The following ASMT variants were observed in gnomAD, a reference collection of about 807,000 sequenced individuals.
The protein encoded by ASMT is acetylserotonin O-methyltransferase, also known as acetylserotonin N-methyltransferase.
Under a neutral mutation model 41.3 loss-of-function variants are expected in ASMT, and 53 were observed. The ratio of observed to expected loss-of-function variants is 1.28; its 90% CI spans 1.03 to 1.61. The LOEUF (loss-of-function observed/expected upper bound fraction) is 1.61, where lower values mean the gene tolerates loss of function less well. ASMT is among the 40% of genes most tolerant of loss of function. The probability of loss-of-function intolerance (pLI) is 0.00; values close to 1 mark genes in which losing one functional copy is unlikely to be tolerated. For missense variants in ASMT, 531 were observed against 441.3 expected, an observed-to-expected ratio of 1.20 and a Z score of -1.82; for synonymous variants, 231 against 184.8, an observed-to-expected ratio of 1.25 and a Z score of -2.03.
intron 3 of ASMT, among the ~76,000 whole-genome samples, chrX:1,625,508 C>T (rs1934499117): frequency 1.1e-5 from 1 of 91,792 alleles, no homozygotes; most frequent in Admixed American, 1.7e-4. Flanking sequence ...AAGAAGGAAA[C>T]AGAAAGAGAG....
intron 4 of ASMT, among the ~76,000 whole-genome samples, chrX:1,628,235 T>C (rs1490703197): frequency 1.3e-5 from 2 of 152,088 alleles, no homozygotes; most frequent in Admixed American, 6.6e-5. Flanking sequence ...GCAGGAGAAC[T>C]GCTTGAACCC....
chrX:1,619,534 C>A (rs1603461142), intron 1 of ASMT, among the ~76,000 whole-genome samples: 1 of 142,124 alleles, frequency 7.0e-6, no homozygotes, highest in Non-Finnish European at 1.5e-5. Flanking sequence ...TGCACATGTA[C>A]CCCAGAACTT....
chrX:1,628,013 G>A (rs1317773429), intron 4 of ASMT: 2 of 597,160 alleles, frequency 3.3e-6, no homozygotes, highest in Non-Finnish European at 6.0e-6. Flanking sequence ...CACAAACTCA[G>A]TGTTTATGTA....
intron 1 of ASMT, among the ~76,000 whole-genome samples, chrX:1,616,911 T>G (rs1474213858): frequency 6.6e-6 from 1 of 151,632 alleles, no homozygotes; most frequent in Non-Finnish European, 1.5e-5. Context: ...GGTTTCACCG[T>G]GTTAGCCAGG....
At chrX:1,632,362 A>T (rs1320813685) in intron 5 of ASMT, among the ~76,000 whole-genome samples, 1 of 151,886 alleles carries the variant, frequency 6.6e-6, no homozygotes, top group African/African-American at 2.4e-5. Context: ...ATAAAAAAGG[A>T]TGAGTTCGGC....
Position 1,620,697 on chromosome X carries a change from G to A in ASMT, c.70-2442G>A, listed in dbSNP as rs754661201. On this transcript the variant is annotated intron_variant, in intron 1 of 8. Transcript: ENST00000381241. ...AGGCAGATCACGAGGTCAGGAGATC[G>A]AGACCATGGTGAAACCCCGCCTCTA... 1.6e-4 allele frequency among the ~76,000 whole-genome samples: 25 copies of A among 152,052 alleles called. No individual in the cohort carries two copies. The East Asian group carries it at 2.9e-3, about 18-fold the overall frequency.
chrX:1,641,570 CT>C (rs1307274360), intron 8 of ASMT, among the ~76,000 whole-genome samples: 1 of 146,036 alleles, frequency 6.8e-6, no homozygotes, highest in East Asian at 2.1e-4. Context: ...TCCACCCATC[CT>C]GATGGTTCAT....
intron 4 of ASMT, among the ~76,000 whole-genome samples, chrX:1,628,184 G>C (rs1400503315): frequency 7.9e-5 from 12 of 152,186 alleles, no homozygotes; most frequent in African/African-American, 2.9e-4. Context: ...AGCCGGGCGT[G>C]GTGGCGGACG....
At chrX:1,620,328 T>C (rs1202962335) in intron 1 of ASMT, among the ~76,000 whole-genome samples, 1 of 151,230 alleles carries the variant, frequency 6.6e-6, no homozygotes, top group Non-Finnish European at 1.5e-5. Flanking sequence ...TGCACCACCA[T>C]GCCTACTTTT....
intron 3 of ASMT, among the ~76,000 whole-genome samples, chrX:1,626,979 A>G (rs1934572066): frequency 6.6e-6 from 1 of 150,384 alleles, no homozygotes; most frequent in Non-Finnish European, 1.5e-5. Context: ...CAGTGAGCCA[A>G]GATCGCGCCA....
rs1934961092 is a variant in ASMT at position 1,636,329 on chromosome X, G to A, written c.788-109G>A. 3 of 1,510,890 alleles carry A rather than the reference G, an allele frequency of 2.0e-6. No homozygotes were observed. In the Admixed American group the frequency reaches 5.0e-5, roughly 25 times the overall value. The allele number at this position is 1,510,890 out of a possible 1,614,324, so 93.6% of individuals were successfully genotyped here. On this transcript the variant is annotated intron_variant, in intron 7 of 8. Transcript: ENST00000381241. Reference sequence around the variant, plus strand: ...AGGTCTGCAGGTGACTAGCCTGGAAGACCTGGGAAAGGCGTGACCCATCCA... The same window carrying A: ...AGGTCTGCAGGTGACTAGCCTGGAAAACCTGGGAAAGGCGTGACCCATCCA...
intron 4 of ASMT, chrX:1,628,116 T>A (rs1324606350): frequency 8.6e-6 from 3 of 349,536 alleles, no homozygotes; most frequent in Non-Finnish European, 1.6e-5. Context: ...AGGTCAGGAG[T>A]TCGAGACCAG....
intron 3 of ASMT, among the ~76,000 whole-genome samples, chrX:1,625,240 G>A (rs1209040857): frequency 2.6e-5 from 4 of 151,642 alleles, no homozygotes; most frequent in African/African-American, 4.8e-5. Context: ...AAGTAGCTGG[G>A]ACTACAGGAA....
intron 1 of ASMT, among the ~76,000 whole-genome samples, chrX:1,616,611 T>G (rs1419591609): frequency 1.3e-5 from 2 of 151,436 alleles, no homozygotes; most frequent in African/African-American, 2.4e-5. Context: ...CGGTGACACC[T>G]GTCATCCCAA....
intron 1 of ASMT, among the ~76,000 whole-genome samples, chrX:1,621,491 TAC>T (rs1934336315): frequency 6.6e-6 from 1 of 151,864 alleles, no homozygotes; most frequent in South Asian, 2.1e-4. Context: ...CTAATTTTTA[TAC>T]TTTTAGTAGA....
chrX:1,625,827 G>A (rs773979820), intron 3 of ASMT, among the ~76,000 whole-genome samples: 13 of 151,480 alleles, frequency 8.6e-5, no homozygotes, highest in Admixed American at 1.3e-4. Flanking sequence ...GGTGGCGGGC[G>A]CCTGTAGTCC....
chrX:1,619,007 T>TA (rs1271710761), intron 1 of ASMT, among the ~76,000 whole-genome samples: 2 of 152,178 alleles, frequency 1.3e-5, no homozygotes, highest in African/African-American at 4.8e-5. Flanking sequence ...AATACCACCT[T>TA]AAGAGGATCA....
At position 1,632,794 on chromosome X, in the gene ASMT, A is replaced by C; in HGVS notation, c.646+7A>C. ...CGCGTGTTCTCACTCATAGGTGGGA[A>C]CTGAACAATGAGACCACATGGACAC... On this transcript the variant is annotated splice_region_variant and intron_variant, in intron 6 of 8. Transcript: ENST00000381241. 2.4e-6 allele frequency: 1 copy of C among 424,146 alleles called. No individual in the cohort carries two copies. Among genetic ancestry groups the C allele is most frequent in the Non-Finnish European group, 4.4e-6 (1 of 226,790 alleles). 26.3% of individuals were successfully genotyped at this position (424,146 alleles called of 1,614,324 possible). A position where few individuals can be genotyped will look rare whatever the true frequency, so the allele number is the denominator to read the frequency against.
In ASMT at chrX:1,632,514, G is replaced by A. The variant is rs768649879; in HGVS notation, c.563-190G>A. ...AAAATACAATAAAAAAATTAGCTGG[G>A]CGTGGTGGCGGGCGCCTGTAGTCCC... is the stretch of plus-strand genomic sequence containing the variant. On this transcript the variant is annotated intron_variant, in intron 5 of 8. Coordinates refer to ENST00000381241, the MANE Select transcript of ASMT (RefSeq NM_001171038.2). Among the ~76,000 whole-genome samples the A allele has an allele frequency of 5.3e-5, 8 of 152,186 alleles. No homozygotes were observed. In the East Asian group the frequency reaches 1.2e-3, roughly 22 times the overall value.
Sources: allele counts gnomAD v4.1 joint callset (sites outside exome capture counted in the v4.1 genomes callset), GRCh38; gene constraint gnomAD v4.1.1; transcripts MANE v1.5; gene names NCBI Gene and HGNC (gene_info 2026-07-23, HGNC 2026-07-21).